STK32B: variants seen among roughly 807,000 people sequenced by gnomAD.
STK32B encodes serine/threonine-protein kinase 32B.
STK32B carries 43 observed loss-of-function variants against 52.6 expected under a neutral mutation model. That is an observed-to-expected ratio of 0.82 (90% confidence interval 0.64 to 1.05). The LOEUF (loss-of-function observed/expected upper bound fraction) is 1.05. Among genes scored for constraint, STK32B ranks in the 50% least tolerant of loss-of-function variants. STK32B has a pLI of 0.00. For missense variants in STK32B, 621 were observed against 534.6 expected, an observed-to-expected ratio of 1.16 and a Z score of -1.59; for synonymous variants, 238 against 204.3, an observed-to-expected ratio of 1.17 and a Z score of -1.41.
chr4:5,167,108 C>G (rs568836180), intron 2 of STK32B, among the ~76,000 whole-genome samples: 12 of 152,288 alleles, frequency 7.9e-5, no homozygotes, highest in African/African-American at 2.9e-4. Flanking sequence ...CTTCCTTCAC[C>G]CTTACCATCT....
chr4:5,024,824 G>T, the STK32B span, among the ~76,000 whole-genome samples: 20 of 152,348 alleles, frequency 1.3e-4, no homozygotes, highest in Admixed American at 9.8e-4. Context: ...GTTGGGAAGA[G>T]TCTGGCTTCT....
At chr4:5,062,783 C>G (rs1414605510) in intron 1 of STK32B, among the ~76,000 whole-genome samples, 1 of 152,152 alleles carries the variant, frequency 6.6e-6, no homozygotes, top group African/African-American at 2.4e-5. Context: ...GCTGGGATTA[C>G]AGGCATGAGC....
chr4:5,224,588 T>A (rs565985791), intron 3 of STK32B, among the ~76,000 whole-genome samples: 1 of 152,322 alleles, frequency 6.6e-6, no homozygotes, highest in East Asian at 1.9e-4. Context: ...CTGGTTCCAC[T>A]TCTTTACTCC....
intron 3 of STK32B, among the ~76,000 whole-genome samples, chr4:5,317,221 A>G (rs1271493760): frequency 4.4e-5 from 2 of 45,840 alleles, no homozygotes; most frequent in South Asian, 1.7e-3. Context: ...TAACATATAT[A>G]TATTATATAT....
chr4:5,266,009 A>G (rs1727033864), intron 3 of STK32B, among the ~76,000 whole-genome samples: 1 of 152,150 alleles, frequency 6.6e-6, no homozygotes, highest in Non-Finnish European at 1.5e-5. Context: ...ATTTTGTTTC[A>G]GTTCTTTAAG....
At chr4:5,178,994 C>A (rs907500140) in intron 3 of STK32B, among the ~76,000 whole-genome samples, 1 of 152,150 alleles carries the variant, frequency 6.6e-6, no homozygotes, top group Admixed American at 6.5e-5. Flanking sequence ...TGCCTCGGTA[C>A]CAATGTACTG....
chr4:5,352,081 C>T (rs1422159922), intron 4 of STK32B, among the ~76,000 whole-genome samples: 1 of 152,024 alleles, frequency 6.6e-6, no homozygotes, highest in Non-Finnish European at 1.5e-5. Flanking sequence ...AAGAAACTCT[C>T]CCTAACATAT....
At chr4:5,421,708 C>T (rs1712665475) in intron 6 of STK32B, among the ~76,000 whole-genome samples, 1 of 152,226 alleles carries the variant, frequency 6.6e-6, no homozygotes, top group Non-Finnish European at 1.5e-5. Context: ...CATGGGGACC[C>T]AGCTGGGCAC....
intron 3 of STK32B, among the ~76,000 whole-genome samples, chr4:5,321,571 T>C (rs940975770): frequency 2.0e-5 from 3 of 152,176 alleles, no homozygotes; most frequent in Admixed American, 1.3e-4. Flanking sequence ...TCTCCTTCGT[T>C]GTACATTTTT....
rs183674067 is a variant in STK32B at position 5,398,524 on chromosome 4, G to A, written c.472+280G>A. 7.8e-4 allele frequency among the ~76,000 whole-genome samples: 119 copies of A among 152,230 alleles called. No individual in the cohort carries two copies. Among genetic ancestry groups the A allele is most frequent in the Non-Finnish European group, 1.3e-3 (88 of 68,024 alleles). ...CAGGGCCGCCGTGAGGATGAGCCCGGGGTTCCAACCCCAACTCCCTCACCT... is the reference window on the plus strand; with the variant it reads ...CAGGGCCGCCGTGAGGATGAGCCCGAGGTTCCAACCCCAACTCCCTCACCT... On this transcript the variant is annotated intron_variant, in intron 5 of 11. Coordinates refer to ENST00000282908, the MANE Select transcript of STK32B (RefSeq NM_018401.3). The surrounding 1 kb of genome is among the most constrained non-coding windows in gnomAD (Gnocchi z 4.9).
chr4:5,477,936 G>A (rs560797926), intron 11 of STK32B, among the ~76,000 whole-genome samples: 2 of 152,202 alleles, frequency 1.3e-5, no homozygotes, highest in East Asian at 3.9e-4. Context: ...ACACCAAGAA[G>A]GACCCAGCAA....
chr4:5,374,003 G>A (rs866211962), intron 4 of STK32B, among the ~76,000 whole-genome samples: 3 of 152,314 alleles, frequency 2.0e-5, no homozygotes, highest in South Asian at 4.1e-4. Flanking sequence ...GGTCATACTG[G>A]ATTACAGTGA....
intron 3 of STK32B, among the ~76,000 whole-genome samples, chr4:5,305,359 A>T (rs969774266): frequency 2.6e-5 from 4 of 151,988 alleles, no homozygotes; most frequent in Non-Finnish European, 5.9e-5. Context: ...TACCATTTCA[A>T]TCTCACTATG....
rs925580682 is a variant in STK32B, at chr4:5,077,261, C to T, written c.52+25346C>T. On this transcript the variant is annotated intron_variant, in intron 1 of 11. Coordinates refer to ENST00000282908, the MANE Select transcript of STK32B (RefSeq NM_018401.3). ...GTCAGTTTACCAAAGAGAGATAAAG[C>T]GGAATATCAGCAGAAATATTATCCC... 3.9e-5 allele frequency among the ~76,000 whole-genome samples: 6 copies of T among 152,106 alleles called. No homozygotes were observed. The East Asian group carries it at 5.8e-4, about 15-fold the overall frequency.
intron 3 of STK32B, among the ~76,000 whole-genome samples, chr4:5,329,804 C>G (rs1043296763): frequency 4.6e-5 from 7 of 152,212 alleles, no homozygotes; most frequent in African/African-American, 1.7e-4. Flanking sequence ...GTAAGATACA[C>G]AAAGAGGATA....
intron 2 of STK32B, 187 bp downstream of exon 2, chr4:5,140,147 A>C: frequency 7.0e-7 from 1 of 1,430,370 alleles, no homozygotes; most frequent in Admixed American, 2.0e-5. Context: ...TGGAAATTAA[A>C]TTACCACAAC....
At chr4:5,156,646 GTCT>G (rs1477138086) in intron 2 of STK32B, among the ~76,000 whole-genome samples, 1 of 152,224 alleles carries the variant, frequency 6.6e-6, no homozygotes, top group Non-Finnish European at 1.5e-5. Flanking sequence ...CTTCGAAAGT[GTCT>G]TCTTGGATTG....
At chr4:5,027,918 G>C in the STK32B span, among the ~76,000 whole-genome samples, 1 of 152,136 alleles carries the variant, frequency 6.6e-6, no homozygotes, top group Non-Finnish European at 1.5e-5. Context: ...GATCTGAAGG[G>C]GCTGCATCCC....
intron 1 of STK32B, among the ~76,000 whole-genome samples, chr4:5,102,321 C>T (rs962906922): frequency 6.6e-6 from 1 of 152,168 alleles, no homozygotes; most frequent in African/African-American, 2.4e-5. Flanking sequence ...GCTCCTGCGT[C>T]TGCACCACCG....
Sources: allele counts gnomAD v4.1 joint callset (sites outside exome capture counted in the v4.1 genomes callset), GRCh38; gene constraint gnomAD v4.1.1; non-coding constraint Gnocchi (gnomAD v3.1); transcripts MANE v1.5; gene names NCBI Gene and HGNC (gene_info 2026-07-23, HGNC 2026-07-21).